C3orf20: variants seen among roughly 807,000 people sequenced by gnomAD.
The protein encoded by C3orf20 is family with sequence similarity 149 member C.
Under a neutral mutation model 88.3 loss-of-function variants are expected in C3orf20, and 76 were observed. That is an observed-to-expected ratio of 0.86 (90% CI 0.72 to 1.04). The LOEUF (loss-of-function observed/expected upper bound fraction) is 1.04. C3orf20 is among the 50% of genes least tolerant of loss of function. The pLI is 0.00. For synonymous variants in C3orf20, 436 were observed against 437.4 expected, an observed-to-expected ratio of 1.00 and a Z score of 0.04; for missense variants, 1,056 against 1,123.3, an observed-to-expected ratio of 0.94 and a Z score of 0.86.
At chr3:14,687,704 A>G (rs772665208) in intron 4 of C3orf20, among the ~76,000 whole-genome samples, 85 of 152,264 alleles carry the variant, frequency 5.6e-4, no homozygotes, top group Non-Finnish European at 8.2e-4. Flanking sequence ...CTCACTTTTA[A>G]AAGGAAAATG....
chr3:14,753,628 T>C (rs1185710559), intron 12 of C3orf20, among the ~76,000 whole-genome samples: 1 of 152,010 alleles, frequency 6.6e-6, no homozygotes, highest in African/African-American at 2.4e-5. Flanking sequence ...ATACCTCAGG[T>C]TTTTTTTGTT....
chr3:14,695,878 TTATAAG>T (rs2032973863), intron 5 of C3orf20, among the ~76,000 whole-genome samples: 1 of 152,162 alleles, frequency 6.6e-6, no homozygotes, highest in Admixed American at 6.5e-5. Flanking sequence ...ATGTGCGTCT[TTATAAG>T]TAGAGTGTGC....
intron 15 of C3orf20, chr3:14,766,970 C>T (rs1263175743): frequency 6.6e-6 from 1 of 152,484 alleles, no homozygotes; most frequent in Non-Finnish European, 1.5e-5. Context: ...ACGGCTCCGA[C>T]TCACTGTGGA....
intron 9 of C3orf20, among the ~76,000 whole-genome samples, chr3:14,718,342 A>G (rs2124968160): frequency 6.6e-6 from 1 of 152,270 alleles, no homozygotes; most frequent in East Asian, 1.9e-4. Context: ...TAATATAATA[A>G]TTTAAAATTT....
intron 9 of C3orf20, among the ~76,000 whole-genome samples, chr3:14,721,447 A>G (rs1307322581): frequency 6.6e-6 from 1 of 152,232 alleles, no homozygotes; most frequent in Admixed American, 6.5e-5. Flanking sequence ...ATAAGGAAGC[A>G]TCATTTACTT....
intron 12 of C3orf20, among the ~76,000 whole-genome samples, chr3:14,752,388 A>T (rs888959357): frequency 1.3e-5 from 2 of 152,248 alleles, no homozygotes; most frequent in Admixed American, 6.5e-5. Context: ...CCCTAGAAGA[A>T]AACCTAGACA....
chr3:14,760,486 C>A (rs1168985224), intron 14 of C3orf20, among the ~76,000 whole-genome samples: 1 of 152,114 alleles, frequency 6.6e-6, no homozygotes, highest in African/African-American at 2.4e-5. Context: ...CCTTTGCAGT[C>A]CTTTTCTGCA....
At chr3:14,761,743 G>C in intron 15 of C3orf20, 128 bp downstream of exon 15, 1 of 814,266 alleles carries the variant, frequency 1.2e-6, no homozygotes, top group Non-Finnish European at 1.9e-6. Context: ...GGGGAGGGGG[G>C]CTGGAGGTGG....
At chr3:14,676,436 C>A (rs1575078975) in intron 1 of C3orf20, among the ~76,000 whole-genome samples, 1 of 152,186 alleles carries the variant, frequency 6.6e-6, no homozygotes, top group Admixed American at 6.5e-5. Flanking sequence ...AGTGTATACA[C>A]ACCATTTGGT....
rs372452103 is a variant in C3orf20, at chr3:14,768,846, C to T, written c.2496-3221C>T. Among the ~76,000 whole-genome samples, 4 of 151,988 alleles carry T rather than the reference C, an allele frequency of 2.6e-5. 1 individual carries two copies. In the East Asian group the frequency reaches 7.7e-4, roughly 29 times the overall value. ...CTTTGAAATTCCTGGAGGGACTGGC[C>T]TGTTGCAAAGCCCCCGATGGTCTTT... is the stretch of plus-strand genomic sequence containing the variant. On this transcript the variant is annotated intron_variant, in intron 15 of 16. Transcript: ENST00000253697. This position sits in a 1 kb window ranked among gnomAD's most constrained non-coding sequence, Gnocchi z 4.1.
At chr3:14,687,990 T>C (rs1333063631) in intron 4 of C3orf20, among the ~76,000 whole-genome samples, 2 of 152,166 alleles carry the variant, frequency 1.3e-5, no homozygotes, top group African/African-American at 4.8e-5. Flanking sequence ...GACGCTCCTC[T>C]CTTTAATTAA....
intron 7 of C3orf20, among the ~76,000 whole-genome samples, chr3:14,705,858 G>A (rs2033478773): frequency 6.6e-6 from 1 of 152,186 alleles, no homozygotes; most frequent in Non-Finnish European, 1.5e-5. Flanking sequence ...CTGACTGTAT[G>A]CCACAAAAGG....
chr3:14,724,186 AACCTTTTTAGGTTG>A (rs1291998298), intron 10 of C3orf20, among the ~76,000 whole-genome samples: 1 of 152,160 alleles, frequency 6.6e-6, no homozygotes, highest in Admixed American at 6.6e-5. Flanking sequence ...GTTTCTTGGA[AACCTTTTTAGGTTG>A]CGTTTTTAAA....
intron 12 of C3orf20, among the ~76,000 whole-genome samples, chr3:14,739,031 T>C (rs1337360972): frequency 6.6e-6 from 1 of 151,948 alleles, no homozygotes; most frequent in Non-Finnish European, 1.5e-5. Context: ...CCTCAGGTGA[T>C]CCACCTGCCT....
chr3:14,717,233 A>G (rs1415786833), intron 9 of C3orf20, among the ~76,000 whole-genome samples: 1 of 152,246 alleles, frequency 6.6e-6, no homozygotes, highest in Non-Finnish European at 1.5e-5. Flanking sequence ...AAGAAATGAC[A>G]TAGCGGAGGG....
rs774591912 is a variant in C3orf20 at position 14,682,631 on chromosome 3, A to G, written c.-83A>G. 3 of 1,510,142 alleles carry G rather than the reference A, an allele frequency of 2.0e-6. No homozygotes were observed. Among genetic ancestry groups the G allele is most frequent in the Admixed American group, 2.1e-5 (1 of 48,244 alleles). 93.5% of individuals were successfully genotyped at this position (1,510,142 alleles called of 1,614,324 possible). A position where few individuals can be genotyped will look rare whatever the true frequency, so the allele number is the denominator to read the frequency against. On this transcript the variant is annotated 5_prime_UTR_variant, in exon 3 of 17. Coordinates refer to ENST00000253697, the MANE Select transcript of C3orf20 (RefSeq NM_032137.5). ...CCGTTTCAGCACATCCATTCTGTCCATCTCCAAGCCTTCACCGTAGGGAAG... is the reference window on the plus strand; with the variant it reads ...CCGTTTCAGCACATCCATTCTGTCCGTCTCCAAGCCTTCACCGTAGGGAAG...
At position 14,765,908 on chromosome 3, in the gene C3orf20, G is replaced by A. The variant is rs115754384; in HGVS notation, c.2495+4293G>A. Reference sequence around the variant, plus strand: ...TGGGGAAGAAAGGGTCCCCACGGGGGCCTCATGAGCTCCAGCAGGGGCTGG... The same window carrying A: ...TGGGGAAGAAAGGGTCCCCACGGGGACCTCATGAGCTCCAGCAGGGGCTGG... On this transcript the variant is annotated intron_variant, in intron 15 of 16. Coordinates refer to ENST00000253697, the MANE Select transcript of C3orf20 (RefSeq NM_032137.5). 1.8e-3 allele frequency among the ~76,000 whole-genome samples: 268 copies of A among 152,350 alleles called. 1 individual carries two copies. Among genetic ancestry groups the A allele is most frequent in the African/African-American group, 6.3e-3 (264 of 41,586 alleles).
intron 10 of C3orf20, among the ~76,000 whole-genome samples, chr3:14,726,581 T>C (rs2034355506): frequency 6.6e-6 from 1 of 152,224 alleles, no homozygotes; most frequent in Non-Finnish European, 1.5e-5. Context: ...AGTGGAAAGA[T>C]AGGCTCAAAC....
In C3orf20 at chr3:14,757,442, G is replaced by A. The variant is rs768145844; in HGVS notation, c.2012G>A (p.Arg671Gln). 13 of 1,612,304 alleles carry A rather than the reference G, an allele frequency of 8.1e-6. No homozygotes were observed. The Admixed American group carries it at 1.2e-4, about 14-fold the overall frequency. The change falls in exon 13 of 17, where the codon CGG (arginine) becomes CAG (glutamine). Residue 671 changes from arginine to glutamine, a missense_variant. Arg to Gln is a conservative substitution (Grantham distance 43). Coordinates refer to ENST00000253697, the MANE Select transcript of C3orf20 (RefSeq NM_032137.5). ...ALPSDCPLVLRKLMLKEDTRA... is the reference protein window; with the variant it reads ...ALPSDCPLVLQKLMLKEDTRA... Reference sequence around the variant, plus strand: ...CCCTCAGACTGCCCGCTGGTGCTGCGGAAGCTCATGCTCAAGGAAGACACC... The same window carrying A: ...CCCTCAGACTGCCCGCTGGTGCTGCAGAAGCTCATGCTCAAGGAAGACACC...
Sources: gnomAD v4.1 joint callset for allele counts (sites outside exome capture counted in the v4.1 genomes callset) on GRCh38, gnomAD v4.1.1 for gene constraint, Gnocchi (gnomAD v3.1) non-coding constraint, MANE v1.5 for transcripts, NCBI Gene and HGNC (gene_info 2026-07-23, HGNC 2026-07-21) for gene names.